The following ACYP2 variants were observed in gnomAD, a reference collection of about 807,000 sequenced individuals.
ACYP2 encodes the protein acylphosphatase-2.
In ACYP2, 12 loss-of-function variants were observed where a neutral mutation model predicts 11.2. The observed-to-expected ratio is 1.08, with a 90% confidence interval of 0.69 to 1.74. The LOEUF is 1.74. ACYP2 is among the 40% of genes most tolerant of loss of function. ACYP2 has a pLI of 0.00. For synonymous variants in ACYP2, 43 were observed against 32.2 expected, an observed-to-expected ratio of 1.33 and a Z score of -1.13; for missense variants, 134 against 101.9, an observed-to-expected ratio of 1.31 and a Z score of -1.35.
chr2:54,265,818 C>A (rs577375900), intron 6 of ACYP2, among the ~76,000 whole-genome samples: 9 of 152,296 alleles, frequency 5.9e-5, no homozygotes, highest in African/African-American at 2.2e-4. Flanking sequence ...GTGCCTACCT[C>A]CCAGAATTGT....
At chr2:54,258,912 G>A (rs1040316908) in intron 6 of ACYP2, among the ~76,000 whole-genome samples, 2 of 152,172 alleles carry the variant, frequency 1.3e-5, no homozygotes, top group Admixed American at 6.5e-5. Context: ...AAGCAGAAGA[G>A]CAAGCAAGCA....
At chr2:54,162,799 TCAACAACAACAAAAA>T (rs1682778922) in intron 6 of ACYP2, among the ~76,000 whole-genome samples, 2 of 151,948 alleles carry the variant, frequency 1.3e-5, no homozygotes, top group Non-Finnish European at 2.9e-5. Context: ...GATGCCCATC[TCAACAACAACAAAAA>T]CAACAACAAC....
At chr2:54,299,737 A>G (rs1689652788) in intron 6 of ACYP2, among the ~76,000 whole-genome samples, 1 of 152,134 alleles carries the variant, frequency 6.6e-6, no homozygotes, top group Non-Finnish European at 1.5e-5. Context: ...CTGAATTGTT[A>G]AATCTGCCCT....
chr2:54,128,975 T>C (rs1227048114), intron 4 of ACYP2, among the ~76,000 whole-genome samples: 14 of 152,304 alleles, frequency 9.2e-5, no homozygotes, highest in African/African-American at 3.1e-4. Flanking sequence ...TAATGCTTTA[T>C]CAGGTTTCTA....
intron 6 of ACYP2, among the ~76,000 whole-genome samples, chr2:54,238,353 A>G (rs1686588713): frequency 6.6e-6 from 1 of 152,198 alleles, no homozygotes; most frequent in African/African-American, 2.4e-5. Flanking sequence ...ATCCCCTGGA[A>G]TAGTGCCTGG....
chr2:54,213,763 A>T (rs1187506463), intron 6 of ACYP2, among the ~76,000 whole-genome samples: 1 of 133,904 alleles, frequency 7.5e-6, no homozygotes, highest in African/African-American at 2.9e-5. Flanking sequence ...CCCCCACCCC[A>T]CACCCCCTAC....
intron 2 of ACYP2, among the ~76,000 whole-genome samples, chr2:53,994,329 C>CAAAA (rs374302355): frequency 2.8e-4 from 12 of 42,860 alleles, no homozygotes; most frequent in Admixed American, 4.0e-4. Context: ...GACTCCGTCT[C>CAAAA]AAAAAAAAAA....
intron 2 of ACYP2, among the ~76,000 whole-genome samples, chr2:54,030,057 C>CCAAG: frequency 6.6e-6 from 1 of 152,182 alleles, no homozygotes; most frequent in Admixed American, 6.5e-5. Flanking sequence ...GGTTATGAGC[C>CCAAG]CAAGACCAGT....
At chr2:54,303,403 T>C (rs1204029523) in intron 6 of ACYP2, among the ~76,000 whole-genome samples, 3 of 146,066 alleles carry the variant, frequency 2.1e-5, no homozygotes, top group Non-Finnish European at 3.1e-5. Flanking sequence ...ATTTTAGCTT[T>C]CATTATTATT....
chr2:54,037,323 T>C (rs12713253), intron 2 of ACYP2, among the ~76,000 whole-genome samples: 82,356 of 151,878 alleles, frequency 0.54, 22,605 homozygotes, highest in East Asian at 0.71. Flanking sequence ...CCATGTTCCC[T>C]GGGCTGGTCT....
chr2:54,297,929 G>A (rs980241652), intron 6 of ACYP2, among the ~76,000 whole-genome samples: 4 of 152,154 alleles, frequency 2.6e-5, no homozygotes, highest in Non-Finnish European at 4.4e-5. Context: ...AGATTTAAAA[G>A]GGGATGTGAA....
At chr2:54,273,571 TCTC>T (rs1688410487) in intron 6 of ACYP2, among the ~76,000 whole-genome samples, 1 of 152,262 alleles carries the variant, frequency 6.6e-6, no homozygotes, top group South Asian at 2.1e-4. Context: ...TTCAAGCAAT[TCTC>T]CTGCCTCAGC....
chr2:54,158,192 A>G lies in ACYP2; in HGVS notation c.404+19444A>G, dbSNP rs1572868160. 2.3e-5 allele frequency among the ~76,000 whole-genome samples: 3 copies of G among 127,874 alleles called. 1 individual carries two copies. Among genetic ancestry groups the G allele is most frequent in the Admixed American group, 7.9e-5 (1 of 12,646 alleles). 83.9% of individuals were successfully genotyped at this position (127,874 alleles called of 152,430 possible). On this transcript the variant is annotated intron_variant, in intron 6 of 6. Coordinates refer to ENST00000607452, the MANE Select transcript of ACYP2 (RefSeq NM_001320586.2). ...AGGCACCCACCACCACGCCCAGTTA[A>G]CTTTGTTTTTTTTTTTTTTTTGTAT...
At position 54,132,836 on chromosome 2, in the gene ACYP2, C is replaced by G. The variant is rs139900236; in HGVS notation, c.278-2617C>G. Among the ~76,000 whole-genome samples, 610 of 151,788 alleles carry G rather than the reference C, an allele frequency of 4.0e-3. 8 individuals carry two copies. The highest frequency in any genetic ancestry group is 0.013 in the African/African-American group (538 of 41,336). ...CTTGGCTCACCGAAACCTCCGCCTC[C>G]CAGGCTCAAGTGATTCTCCTGCCTC... On this transcript the variant is annotated intron_variant, in intron 4 of 6. Coordinates refer to ENST00000607452, the MANE Select transcript of ACYP2 (RefSeq NM_001320586.2).
At chr2:54,027,110 A>C (rs1674328233) in intron 2 of ACYP2, among the ~76,000 whole-genome samples, 1 of 152,194 alleles carries the variant, frequency 6.6e-6, no homozygotes, top group African/African-American at 2.4e-5. Flanking sequence ...TCCTGTAGCC[A>C]GTTTCCTCTA....
intron 6 of ACYP2, among the ~76,000 whole-genome samples, chr2:54,199,066 C>T (rs1684641090): frequency 6.6e-6 from 1 of 152,146 alleles, no homozygotes; most frequent in African/African-American, 2.4e-5. Flanking sequence ...TATAGGGTTT[C>T]TTGGTCATTT....
chr2:54,143,973 G>T (rs1467766361), intron 6 of ACYP2, among the ~76,000 whole-genome samples: 1 of 151,834 alleles, frequency 6.6e-6, no homozygotes, highest in African/African-American at 2.4e-5. Flanking sequence ...GTGGTAACTG[G>T]TATGTTTGTT....
At chr2:54,083,257 A>G (rs113757996) in intron 4 of ACYP2, among the ~76,000 whole-genome samples, 1,575 of 152,278 alleles carry the variant, frequency 0.01, 37 homozygotes, top group African/African-American at 0.036. Context: ...TTTGCGAATG[A>G]TGTCTCTCTT....
intron 6 of ACYP2, among the ~76,000 whole-genome samples, chr2:54,271,678 ACT>A (rs1484811336): frequency 1.3e-5 from 2 of 151,626 alleles, no homozygotes; most frequent in African/African-American, 4.8e-5. Flanking sequence ...CATTAATTAA[ACT>A]CTTTAACTGC....
Sources: allele counts gnomAD v4.1 joint callset (sites outside exome capture counted in the v4.1 genomes callset), GRCh38; gene constraint gnomAD v4.1.1; transcripts MANE v1.5; gene names NCBI Gene and HGNC (gene_info 2026-07-23, HGNC 2026-07-21).